The following CHORDC1 variants were observed in gnomAD, a reference collection of about 807,000 sequenced individuals.
CHORDC1 encodes cysteine and histidine rich domain containing 1.
In CHORDC1, 25 loss-of-function variants were observed where a neutral mutation model predicts 48.3. The observed-to-expected ratio is 0.52, with a 90% CI of 0.38 to 0.72. The LOEUF is 0.72. Among genes scored for constraint, CHORDC1 ranks in the 30% least tolerant of loss-of-function variants. CHORDC1 has a pLI of 0.00. For missense variants in CHORDC1, 317 were observed against 388.7 expected, an observed-to-expected ratio of 0.82 and a Z score of 1.55; for synonymous variants, 128 against 126.4, an observed-to-expected ratio of 1.01 and a Z score of -0.09.
At chr11:90,203,174 AT>A (rs536033284) in intron 9 of CHORDC1, 133 bp downstream of exon 9, 80 of 892,854 alleles carry the variant, frequency 9.0e-5, no homozygotes, top group Admixed American at 1.3e-4. Context: ...AAGTAATTTA[AT>A]TTTTTTTAAT....
intron 1 of CHORDC1, among the ~76,000 whole-genome samples, chr11:90,219,560 G>A (rs1159848571): frequency 6.6e-6 from 1 of 152,164 alleles, no homozygotes; most frequent in Non-Finnish European, 1.5e-5. Flanking sequence ...TCCCACCCAG[G>A]GCGGAAAAAC....
At chr11:90,203,026 A>T in intron 9 of CHORDC1, 151 bp from the exon 10 acceptor site, 1 of 1,064,746 alleles carries the variant, frequency 9.4e-7, no homozygotes. Flanking sequence ...AAAGCCACTG[A>T]CAAAAAAGAA....
chr11:90,205,944 T>G (rs1286088719), intron 7 of CHORDC1: 1 of 492,326 alleles, frequency 2.0e-6, no homozygotes, highest in African/African-American at 2.0e-5. Flanking sequence ...TAGCATCACT[T>G]TTAAATACAG....
At chr11:90,220,279 A>G (rs1219255508) in intron 1 of CHORDC1, among the ~76,000 whole-genome samples, 1 of 152,178 alleles carries the variant, frequency 6.6e-6, no homozygotes, top group East Asian at 1.9e-4. Context: ...TTCCTTAGTA[A>G]CCATGTGCTG....
At chr11:90,209,482 C>A (rs1027225107) in intron 6 of CHORDC1, 3 of 152,038 alleles carry the variant, frequency 2.0e-5, no homozygotes, top group Non-Finnish European at 4.4e-5. Flanking sequence ...ACGCACTGTT[C>A]TAAGGATTCA....
intron 6 of CHORDC1, chr11:90,206,881 G>T: frequency 3.1e-6 from 2 of 643,152 alleles, no homozygotes; most frequent in Non-Finnish European, 4.8e-6. Context: ...TTCTATTTTT[G>T]TATTTATAGC....
intron 6 of CHORDC1, chr11:90,208,337 G>A (rs1455804065): frequency 6.6e-6 from 1 of 152,206 alleles, no homozygotes; most frequent in East Asian, 1.9e-4. Context: ...GGCTGAAACA[G>A]AAGAATCGCT....
In CHORDC1 at chr11:90,201,475, T is replaced by C. The variant is rs1345698923; in HGVS notation, c.*930A>G. On this transcript the variant is annotated 3_prime_UTR_variant, in exon 11 of 11. Coordinates refer to ENST00000320585, the MANE Select transcript of CHORDC1 (RefSeq NM_012124.3). ...ACAATTAAGCTATTTTTATTTAACA[T>C]GTAATAGTCATAAAGCAACTCCATA... The C allele has an allele frequency of 1.3e-5, 2 of 152,060 alleles. No homozygotes were observed. The highest frequency in any genetic ancestry group is 2.9e-5 in the Non-Finnish European group (2 of 67,872). 9.4% of individuals were successfully genotyped at this position (152,060 alleles called of 1,614,324 possible). A position where few individuals can be genotyped will look rare whatever the true frequency, so the allele number is the denominator to read the frequency against.
intron 1 of CHORDC1, among the ~76,000 whole-genome samples, chr11:90,218,940 A>G (rs1422338369): frequency 5.4e-5 from 8 of 147,456 alleles, no homozygotes; most frequent in Admixed American, 4.2e-4. Flanking sequence ...TTTCAACATT[A>G]AAGTTTACTT....
intron 1 of CHORDC1, among the ~76,000 whole-genome samples, chr11:90,218,436 A>G (rs2135055645): frequency 6.6e-6 from 1 of 152,306 alleles, no homozygotes; most frequent in African/African-American, 2.4e-5. Context: ...ATTATATTTT[A>G]TATTCCCCTA....
rs1395299160 is a variant in CHORDC1 at position 90,211,112 on chromosome 11, C to T, written c.433+103G>A. 25 of 726,048 alleles carry T rather than the reference C, an allele frequency of 3.4e-5. 1 individual carries two copies. The East Asian group carries it at 4.5e-4, about 13-fold the overall frequency. The allele number at this position is 726,048 out of a possible 1,614,324, so 45.0% of individuals were successfully genotyped here. On this transcript the variant is annotated intron_variant, in intron 5 of 10. Coordinates refer to ENST00000320585, the MANE Select transcript of CHORDC1 (RefSeq NM_012124.3). ...GAAAAAGTTTCTTAACTACAATGTG[C>T]GACTTTTCCCTATTTATATGCAGTA... is the stretch of plus-strand genomic sequence containing the variant.
chr11:90,212,651 T>C (rs1382874385), intron 4 of CHORDC1: 1 of 152,114 alleles, frequency 6.6e-6, no homozygotes, highest in Non-Finnish European at 1.5e-5. Context: ...ATAATTGTTA[T>C]AATACCACCA....
At chr11:90,218,240 T>C in intron 1 of CHORDC1, 56 bp from the exon 2 acceptor site, 1 of 1,293,020 alleles carries the variant, frequency 7.7e-7, no homozygotes. Context: ...AAGAAAAATA[T>C]ATACATGATC....
intron 3 of CHORDC1, among the ~76,000 whole-genome samples, chr11:90,214,765 C>G (rs1382129752): frequency 6.6e-6 from 1 of 151,950 alleles, no homozygotes; most frequent in Non-Finnish European, 1.5e-5. Context: ...CAATCAATAG[C>G]ATTATCAGTT....
intron 8 of CHORDC1, 63 bp from the exon 9 acceptor site, chr11:90,203,490 G>T: frequency 6.9e-7 from 1 of 1,455,050 alleles, no homozygotes; most frequent in Non-Finnish European, 9.3e-7. Context: ...CTTAAAAAGA[G>T]GAATTTGACC....
rs1857657382 is a variant in CHORDC1 at position 90,205,556 on chromosome 11, G to A, written c.573C>T (p.Tyr191=). Residue 191 remains tyrosine, a synonymous_variant, in exon 8 of 11, where the codon TAC becomes TAT. Transcript: ENST00000320585. Reference sequence around the variant, plus strand: ...AAGTTTTTCTTCTACAACAGCTCCAGTATTTCATCCTTTAAATTATCACAG... The same window carrying A: ...AAGTTTTTCTTCTACAACAGCTCCAATATTTCATCCTTTAAATTATCACAG... ...GVPIFHEGMK[Y]WSCCRRKTSD... is the part of the protein sequence containing the mutation. The A allele has an allele frequency of 1.3e-6, 2 of 1,569,808 alleles. No individual in the cohort carries two copies. The highest frequency in any genetic ancestry group is 1.9e-5 in the Admixed American group (1 of 51,992).
intron 8 of CHORDC1, among the ~76,000 whole-genome samples, chr11:90,203,787 CTGAAA>C (rs143979277): frequency 0.039 from 5,912 of 152,190 alleles, 157 homozygotes; most frequent in Non-Finnish European, 0.057. Flanking sequence ...TCTTTGAAGA[CTGAAA>C]TGAAAGACAT....
intron 6 of CHORDC1, chr11:90,206,556 C>A: frequency 2.7e-6 from 1 of 367,484 alleles, no homozygotes; most frequent in Admixed American, 4.2e-5. Flanking sequence ...TACTTAGTTA[C>A]TAATTTCAAA....
chr11:90,221,421 C>G (rs1858169443), intron 1 of CHORDC1, among the ~76,000 whole-genome samples: 1 of 152,156 alleles, frequency 6.6e-6, no homozygotes, highest in Admixed American at 6.5e-5. Flanking sequence ...GCTGACCACC[C>G]AAGTTTTGAG....
Sources: allele counts gnomAD v4.1 joint callset (sites outside exome capture counted in the v4.1 genomes callset), GRCh38; gene constraint gnomAD v4.1.1; transcripts MANE v1.5; gene names NCBI Gene and HGNC (gene_info 2026-07-23, HGNC 2026-07-21).